VPS16: variants seen among roughly 807,000 people sequenced by gnomAD.
VPS16 encodes VPS16 core subunit of CORVET and HOPS complexes.
In VPS16, 82 loss-of-function variants were observed where a neutral mutation model predicts 116.0. The ratio of observed to expected loss-of-function variants is 0.71; its 90% CI spans 0.59 to 0.85. The LOEUF is 0.85. Among genes scored for constraint, VPS16 ranks in the 40% least tolerant of loss-of-function variants. The probability of loss-of-function intolerance (pLI) is 0.00; values close to 1 mark genes in which losing one functional copy is unlikely to be tolerated. For missense variants in VPS16, 928 were observed against 1,090.6 expected, an observed-to-expected ratio of 0.85 and a Z score of 2.10; for synonymous variants, 406 against 420.7, an observed-to-expected ratio of 0.96 and a Z score of 0.43.
intron 1 of VPS16, among the ~76,000 whole-genome samples, chr20:2,851,662 C>CAA (rs111648973): frequency 1.1e-4 from 13 of 122,620 alleles, no homozygotes; most frequent in African/African-American, 2.8e-4. Flanking sequence ...AACTCCGTCT[C>CAA]AAAAAAAAAA....
rs779619779 is a variant in VPS16, at chr20:2,862,919, C to T, written c.1316C>T (p.Pro439Leu). Reference protein sequence around the residue: ...NAVRDYHIGIPLTYSQYKQLT... With the variant: ...NAVRDYHIGILLTYSQYKQLT... ...GTTCGGGACTATCACATCGGGATCCCGCTCACCTATAGCCAGTATCCCTGT... is the reference window on the plus strand; with the variant it reads ...GTTCGGGACTATCACATCGGGATCCTGCTCACCTATAGCCAGTATCCCTGT... Residue 439 changes from proline (P) to leucine (L), a missense_variant, in exon 13 of 24, where the codon CCG becomes CTG. Coordinates refer to ENST00000380445, the MANE Select transcript of VPS16 (RefSeq NM_022575.4). The T allele has an allele frequency of 1.8e-5, 29 of 1,614,056 alleles. No individual in the cohort carries two copies. The Middle Eastern group carries it at 4.9e-4, about 28-fold the overall frequency.
At chr20:2,844,778 A>G (rs1389927946) in intron 1 of VPS16, among the ~76,000 whole-genome samples, 1 of 152,104 alleles carries the variant, frequency 6.6e-6, no homozygotes, top group Non-Finnish European at 1.5e-5. Context: ...AGAAGAGCAT[A>G]TACACAAAAG....
intron 1 of VPS16, among the ~76,000 whole-genome samples, chr20:2,848,079 A>G (rs1055567795): frequency 3.9e-5 from 6 of 151,918 alleles, no homozygotes; most frequent in African/African-American, 1.5e-4. Flanking sequence ...ACCTCTGTAC[A>G]TGTACCCAGT....
chr20:2,842,201 C>G (rs747953330), intron 1 of VPS16, among the ~76,000 whole-genome samples: 13 of 152,242 alleles, frequency 8.5e-5, no homozygotes, highest in South Asian at 2.1e-4. Flanking sequence ...ACTGGAGAGG[C>G]TGAGTTAGGA....
chr20:2,865,053 A>C lies in VPS16; in HGVS notation c.2002A>C (p.Lys668Gln). 2 of 1,614,150 alleles carry C rather than the reference A, an allele frequency of 1.2e-6. No homozygotes were observed. The highest frequency in any genetic ancestry group is 2.2e-5 in the South Asian group (2 of 91,088). The part of the protein sequence containing the change: ...FYKAKNEFAA[K>Q]ATEDQMRLLR... The stretch of plus-strand genomic sequence containing the variant: ...CAAGGCCAAGAATGAGTTTGCAGCC[A>C]AGGTTTGGCCCACCTTTTTCCAAGA... The change falls in exon 20 of 24, where the codon AAG (lysine) becomes CAG (glutamine). Residue 668 changes from lysine (K) to glutamine (Q), a missense_variant and splice_region_variant. Physicochemically the swap from Lys to Gln is moderately conservative, Grantham distance 53. Transcript: ENST00000380445. This position sits in a 1 kb window ranked among gnomAD's most constrained non-coding sequence, Gnocchi z 5.2.
intron 7 of VPS16, 64 bp downstream of exon 7, chr20:2,861,156 G>A (rs1390482431): frequency 6.2e-7 from 1 of 1,614,196 alleles, no homozygotes; most frequent in East Asian, 2.2e-5. Context: ...TTTTGGTGAT[G>A]CGGGAGGGCT....
intron 1 of VPS16, chr20:2,841,229 A>G (rs1599962051): frequency 4.4e-6 from 1 of 228,996 alleles, no homozygotes; most frequent in Non-Finnish European, 8.7e-6. Flanking sequence ...CAAGGCTGGG[A>G]AAAGGGGGCG....
intron 1 of VPS16, chr20:2,841,122 G>A (rs1242104695): frequency 1.9e-5 from 9 of 483,876 alleles, no homozygotes; most frequent in Non-Finnish European, 3.3e-5. Context: ...GTGACAGCGA[G>A]TGCCCAGTCT....
rs183700947 is a variant in VPS16, at chr20:2,863,411, G to A, written c.1476+13G>A. ...GGCCTGCTACAAGGCAAGGATGTGGGATGGGGTCCAAGGGCATTTAGAGGA... is the reference window on the plus strand; with the variant it reads ...GGCCTGCTACAAGGCAAGGATGTGGAATGGGGTCCAAGGGCATTTAGAGGA... On this transcript the variant is annotated intron_variant, in intron 15 of 23. Transcript: ENST00000380445. The surrounding 1 kb of genome is among the most constrained non-coding windows in gnomAD (Gnocchi z 4.4). 7,039 of 1,613,344 alleles carry A rather than the reference G, an allele frequency of 4.4e-3. 23 individuals are homozygous for A. The highest frequency in any genetic ancestry group is 0.01 in the Middle Eastern group (62 of 6,058).
chr20:2,842,702 CTATATATAGATAGACATATGGATG>C (rs2088999506), intron 1 of VPS16, among the ~76,000 whole-genome samples: 2 of 125,170 alleles, frequency 1.6e-5, no homozygotes, highest in African/African-American at 7.5e-5. Flanking sequence ...CTAGATGTAT[CTATATATAGATAGACATATGGATG>C]TATCTATCTA....
chr20:2,842,296 T>C (rs1036005613), intron 1 of VPS16, among the ~76,000 whole-genome samples: 3 of 151,852 alleles, frequency 2.0e-5, no homozygotes, highest in Non-Finnish European at 4.4e-5. Flanking sequence ...CTGGGCAACA[T>C]AGCATACTCC....
At chr20:2,851,404 T>C (rs1468908783) in intron 1 of VPS16, among the ~76,000 whole-genome samples, 1 of 150,408 alleles carries the variant, frequency 6.6e-6, no homozygotes, top group African/African-American at 2.4e-5. Context: ...AGGTTGGGGG[T>C]TCGAGATCAG....
At chr20:2,859,911 A>G (rs1181350753) in intron 2 of VPS16, 104 bp downstream of exon 2, 4 of 1,469,754 alleles carry the variant, frequency 2.7e-6, no homozygotes, top group African/African-American at 1.4e-5. Flanking sequence ...GCCACCCCCC[A>G]CTCACCCTGC....
chr20:2,847,719 C>T (rs2089075401), intron 1 of VPS16, among the ~76,000 whole-genome samples: 1 of 151,996 alleles, frequency 6.6e-6, no homozygotes, highest in South Asian at 2.1e-4. Flanking sequence ...CCTCATGATC[C>T]GCCTGTCTCG....
At chr20:2,861,962 C>T (rs2089233329) in intron 10 of VPS16, 63 bp downstream of exon 10, 1 of 1,605,628 alleles carries the variant, frequency 6.2e-7, no homozygotes, top group South Asian at 1.1e-5. Context: ...CCCAGCTGCC[C>T]TGGGCCAGTG....
Position 2,861,616 on chromosome 20 carries a change from T to C in VPS16, c.811T>C (p.Cys271Arg). 6.2e-7 allele frequency: 1 copy of C among 1,608,922 alleles called. No individual in the cohort carries two copies. The highest frequency in any genetic ancestry group is 8.5e-7 in the Non-Finnish European group (1 of 1,178,260). ...CCAGTGTGTATATGCTGCTCACAGG[T>C]GCAGCCGTCCTCGTAGCAAGGAGAG... ...IRAPPKQMVW[C>R]SRPRSKERAV... The change falls in exon 9 of 24, where the codon TGC becomes CGC. Residue 271 changes from cysteine to arginine, a missense_variant and splice_region_variant. Coordinates refer to ENST00000380445, the MANE Select transcript of VPS16 (RefSeq NM_022575.4).
chr20:2,857,614 A>T (rs548686085), intron 1 of VPS16, among the ~76,000 whole-genome samples: 2 of 151,934 alleles, frequency 1.3e-5, no homozygotes, highest in South Asian at 4.2e-4. Flanking sequence ...GGTTCAAGTG[A>T]TTCTCCTGCC....
At position 2,863,447 on chromosome 20, in the gene VPS16, T is replaced by C; in HGVS notation, c.1476+49T>C. 6.3e-7 allele frequency: 1 copy of C among 1,576,012 alleles called. No individual in the cohort carries two copies. Among genetic ancestry groups the C allele is most frequent in the Non-Finnish European group, 8.7e-7 (1 of 1,146,498 alleles). ...AGGGCATTTAGAGGATTCCAGGCCC[T>C]GGTGAGGTGGAGGAAATAGAAAGTG... On this transcript the variant is annotated intron_variant, in intron 15 of 23. Transcript: ENST00000380445. This position sits in a 1 kb window ranked among gnomAD's most constrained non-coding sequence, Gnocchi z 4.4.
At chr20:2,851,242 G>C (rs1330068318) in intron 1 of VPS16, among the ~76,000 whole-genome samples, 1 of 152,220 alleles carries the variant, frequency 6.6e-6, no homozygotes, top group Non-Finnish European at 1.5e-5. Flanking sequence ...GCAACTCTCA[G>C]CCTGGGGTGT....
Sources: gnomAD v4.1 joint callset for allele counts (sites outside exome capture counted in the v4.1 genomes callset) on GRCh38, gnomAD v4.1.1 for gene constraint, Gnocchi (gnomAD v3.1) non-coding constraint, MANE v1.5 for transcripts, NCBI Gene and HGNC (gene_info 2026-07-23, HGNC 2026-07-21) for gene names.